Variants in ANK3 observed in about 807,000 individuals in gnomAD.
ANK3 encodes ankyrin-3.
ANK3 carries 57 observed loss-of-function variants against 370.9 expected under a neutral mutation model. The observed-to-expected ratio is 0.15, with a 90% CI of 0.12 to 0.19. ANK3 has a LOEUF of 0.19. ANK3 is among the 10% of genes least tolerant of loss of function. The probability of loss-of-function intolerance (pLI) is 1.00; values close to 1 mark genes in which losing one functional copy is unlikely to be tolerated. For synonymous variants in ANK3, 1,929 were observed against 1,946.3 expected (o/e 0.99, Z 0.23); for missense variants, 4,439 against 5,302.1 (o/e 0.84, Z 5.06).
chr10:60,086,382 G>C (rs2086680920), intron 30 of ANK3, among the ~76,000 whole-genome samples: 1 of 152,058 alleles, frequency 6.6e-6, no homozygotes, highest in Admixed American at 6.6e-5. Flanking sequence ...AAATTACCTA[G>C]ATGCTCCAGT....
chr10:60,401,288 G>A (rs2063347548), intron 2 of ANK3, among the ~76,000 whole-genome samples: 1 of 152,164 alleles, frequency 6.6e-6, no homozygotes, highest in South Asian at 2.1e-4. Flanking sequence ...ACATGAATAA[G>A]CACTAGAGAC....
At chr10:60,576,727 T>A (rs1461751233) in intron 2 of ANK3, among the ~76,000 whole-genome samples, 1 of 152,214 alleles carries the variant, frequency 6.6e-6, no homozygotes, top group Admixed American at 6.5e-5. Flanking sequence ...CTTGTAAAAG[T>A]GAAAGACAAA....
chr10:60,131,847 C>T (rs529950703), intron 25 of ANK3, among the ~76,000 whole-genome samples: 15 of 152,202 alleles, frequency 9.9e-5, no homozygotes, highest in African/African-American at 1.9e-4. Context: ...GTTCCAATTT[C>T]GGGCCCTTGA....
At chr10:60,581,236 G>A (rs2077746497) in intron 2 of ANK3, among the ~76,000 whole-genome samples, 1 of 152,134 alleles carries the variant, frequency 6.6e-6, no homozygotes, top group South Asian at 2.1e-4. Context: ...ACACTTTGAT[G>A]TGGTGTGAGA....
At chr10:60,294,218 T>A (rs2042046536) in intron 1 of ANK3, among the ~76,000 whole-genome samples, 1 of 152,220 alleles carries the variant, frequency 6.6e-6, no homozygotes, top group Admixed American at 6.5e-5. Flanking sequence ...GACTTAATAC[T>A]GCAAACATAA....
chr10:60,038,714 A>G (rs1000141068), intron 43 of ANK3, among the ~76,000 whole-genome samples: 3 of 151,962 alleles, frequency 2.0e-5, no homozygotes, highest in African/African-American at 7.2e-5. Flanking sequence ...TTTTAATGTT[A>G]TCTTGTGCCT....
chr10:60,637,457 T>C (rs962286001), intron 1 of ANK3, among the ~76,000 whole-genome samples: 3 of 152,212 alleles, frequency 2.0e-5, no homozygotes, highest in African/African-American at 7.2e-5. Context: ...GGTACAATCT[T>C]TCTAGAAAGT....
chr10:60,041,306 A>G (rs538834597), intron 43 of ANK3, among the ~76,000 whole-genome samples: 1 of 152,324 alleles, frequency 6.6e-6, no homozygotes, highest in African/African-American at 2.4e-5. Flanking sequence ...GAATCCTTAC[A>G]GGGATGACTG....
chr10:60,291,003 G>A (rs769514364), intron 1 of ANK3, among the ~76,000 whole-genome samples: 5 of 152,008 alleles, frequency 3.3e-5, no homozygotes, highest in Non-Finnish European at 5.9e-5. Flanking sequence ...TAGAATTCAG[G>A]CCGTGGGGGT....
intron 27 of ANK3, among the ~76,000 whole-genome samples, chr10:60,107,247 A>G (rs916213377): frequency 1.3e-5 from 2 of 152,210 alleles, no homozygotes; most frequent in Non-Finnish European, 1.5e-5. Context: ...AGCAGTATTA[A>G]TAATTTCAAG....
chr10:60,147,261 C>G (rs2094874589), intron 23 of ANK3, among the ~76,000 whole-genome samples: 1 of 152,160 alleles, frequency 6.6e-6, no homozygotes, highest in African/African-American at 2.4e-5. Context: ...TCTGTACCTT[C>G]TGGCAGGACT....
At position 60,068,927 on chromosome 10, in the gene ANK3, C is replaced by G; in HGVS notation, c.11954G>C (p.Arg3985Thr). The G allele has an allele frequency of 6.2e-7, 1 of 1,614,002 alleles. No individual in the cohort carries two copies. Among genetic ancestry groups the G allele is most frequent in the Non-Finnish European group, 8.5e-7 (1 of 1,179,990 alleles). The change falls in exon 37 of 44, where the codon AGG becomes ACG. Residue 3985 changes from arginine to threonine, a missense_variant. By Grantham distance (71) the Arg-to-Thr change is moderately conservative. This residue lies in a region of ANK3 where 496 missense variants were observed against 529.3 expected (regional missense o/e 0.94). Transcript: ENST00000280772. ...ACATACTTCCTTGAGCTGACTTTTC[C>G]TAACTTTAACTGTGCAGCTGGTGGT... ...TTTTSCTVKVRKSQLKEVCKH... is the reference protein window; with the variant it reads ...TTTTSCTVKVTKSQLKEVCKH...
chr10:60,119,596 A>G (rs1426776292), intron 25 of ANK3, among the ~76,000 whole-genome samples: 2 of 152,102 alleles, frequency 1.3e-5, no homozygotes, highest in South Asian at 2.1e-4. Flanking sequence ...GTGAAACCCC[A>G]TATCTATTAA....
rs1269526604 is a variant in ANK3 at position 60,591,297 on chromosome 10, TTTTTATTTTA to T, written c.96+23879_96+23888del. On this transcript the variant is annotated intron_variant, in intron 2 of 43. Transcript: ENST00000373827. ...CAACATCCGTTATTTTTTATTTTTATTTTTATTTTATTTATTTATTTATTTATTTATTTAT... is the reference window on the plus strand; with the variant it reads ...CAACATCCGTTATTTTTTATTTTTATTTTATTTATTTATTTATTTATTTAT... 1.5e-4 allele frequency among the ~76,000 whole-genome samples: 21 copies of T among 143,110 alleles called. No homozygotes were observed. In the South Asian group the frequency reaches 4.5e-3, roughly 31 times the overall value. 93.9% of individuals were successfully genotyped at this position (143,110 alleles called of 152,430 possible). A position where few individuals can be genotyped will look rare whatever the true frequency, so the allele number is the denominator to read the frequency against.
intron 2 of ANK3, among the ~76,000 whole-genome samples, chr10:60,402,236 C>G (rs765952442): frequency 2.2e-4 from 33 of 152,082 alleles, no homozygotes; most frequent in Non-Finnish European, 4.0e-4. Flanking sequence ...TAGAACTATA[C>G]TGGTTTGGGG....
intron 1 of ANK3, among the ~76,000 whole-genome samples, chr10:60,726,653 T>C (rs1366842570): frequency 6.6e-6 from 1 of 152,162 alleles, no homozygotes; most frequent in Non-Finnish European, 1.5e-5. Context: ...TTTGTTTTTT[T>C]CTTCTTTGCT....
intron 26 of ANK3, among the ~76,000 whole-genome samples, chr10:60,112,773 C>T (rs775906132): frequency 2.6e-5 from 4 of 152,014 alleles, no homozygotes; most frequent in Admixed American, 2.0e-4. Flanking sequence ...AGTAAGTAAA[C>T]GTTAGCTATT....
intron 2 of ANK3, among the ~76,000 whole-genome samples, chr10:60,586,824 C>G (rs968371529): frequency 6.6e-6 from 1 of 152,206 alleles, no homozygotes; most frequent in Non-Finnish European, 1.5e-5. Flanking sequence ...TATCTGTCCA[C>G]TTTCCTTTTT....
At chr10:60,278,376 C>T (rs1259958151) in intron 4 of ANK3, among the ~76,000 whole-genome samples, 1 of 152,102 alleles carries the variant, frequency 6.6e-6, no homozygotes, top group African/African-American at 2.4e-5. Flanking sequence ...AAATAATCTG[C>T]AATAATTTAT....
Sources: gnomAD v4.1 joint callset for allele counts (sites outside exome capture counted in the v4.1 genomes callset) on GRCh38, gnomAD v4.1.1 for gene constraint, gnomAD v4.1.1 regional missense constraint, MANE v1.5 for transcripts, NCBI Gene and HGNC (gene_info 2026-07-23, HGNC 2026-07-21) for gene names.